ACVR2A: variants seen among roughly 807,000 people sequenced by gnomAD.
The protein encoded by ACVR2A is activin A receptor type 2A.
In ACVR2A, 7 loss-of-function variants were observed where a neutral mutation model predicts 61.4. The observed-to-expected ratio is 0.11, with a 90% CI of 0.06 to 0.21. The LOEUF is 0.21. Among genes scored for constraint, ACVR2A ranks in the 10% least tolerant of loss-of-function variants. The pLI is 1.00. For missense variants in ACVR2A, 322 were observed against 621.7 expected (o/e 0.52, Z 5.13); for synonymous variants, 193 against 208.3 (o/e 0.93, Z 0.63).
At chr2:147,894,210 C>T (rs1390445799) in intron 1 of ACVR2A, among the ~76,000 whole-genome samples, 1 of 152,058 alleles carries the variant, frequency 6.6e-6, no homozygotes, top group Non-Finnish European at 1.5e-5. Flanking sequence ...GTTCTCTGTT[C>T]TGTCCCATTG....
intron 4 of ACVR2A, among the ~76,000 whole-genome samples, chr2:147,907,086 T>C (rs936965790): frequency 1.3e-5 from 2 of 151,990 alleles, no homozygotes; most frequent in African/African-American, 4.8e-5. Context: ...TGAGAACATG[T>C]GGTGTTTGGG....
At chr2:147,915,373 T>C (rs765805411) in intron 5 of ACVR2A, 39 bp downstream of exon 5, 10 of 1,607,466 alleles carry the variant, frequency 6.2e-6, no homozygotes, top group Non-Finnish European at 8.5e-6. Context: ...CATACATGTT[T>C]TATGGCTAGG....
rs140499720 is a variant in ACVR2A, at chr2:147,887,643, A to G, written c.56-8658A>G. 1.4e-4 allele frequency among the ~76,000 whole-genome samples: 22 copies of G among 152,334 alleles called. No homozygotes were observed. In the East Asian group the frequency reaches 1.9e-3, roughly 13 times the overall value. On this transcript the variant is annotated intron_variant, in intron 1 of 10. Transcript: ENST00000241416. ...ATAATTGCATATATTTATTATCAACATGGTTTGAAATATGTATATGTTGTG... is the reference window on the plus strand; with the variant it reads ...ATAATTGCATATATTTATTATCAACGTGGTTTGAAATATGTATATGTTGTG...
chr2:147,867,112 C>T (rs1435570841), intron 1 of ACVR2A, among the ~76,000 whole-genome samples: 1 of 152,110 alleles, frequency 6.6e-6, no homozygotes, highest in Non-Finnish European at 1.5e-5. Flanking sequence ...TGAAAAGTCA[C>T]CACTAGATTT....
intron 1 of ACVR2A, among the ~76,000 whole-genome samples, chr2:147,856,565 GT>G (rs1045768652): frequency 3.9e-5 from 6 of 152,144 alleles, no homozygotes; most frequent in Non-Finnish European, 8.8e-5. Context: ...AGTGAATACA[GT>G]TTGCTAATTA....
At chr2:147,922,279 C>T (rs1311849600) in intron 8 of ACVR2A, among the ~76,000 whole-genome samples, 1 of 151,960 alleles carries the variant, frequency 6.6e-6, no homozygotes, top group Non-Finnish European at 1.5e-5. Flanking sequence ...AGATTATAGC[C>T]ACCTAAGGAT....
chr2:147,930,605 A>T lies in ACVR2A; in HGVS notation c.*3331A>T, dbSNP rs114710451. 1,366 of 152,486 alleles carry T rather than the reference A, an allele frequency of 9.0e-3. 16 individuals carry two copies. The highest frequency in any genetic ancestry group is 0.034 in the Middle Eastern group (10 of 294). The allele number at this position is 152,486 out of a possible 1,614,324, so 9.4% of individuals were successfully genotyped here. A position where few individuals can be genotyped will look rare whatever the true frequency, so the allele number is the denominator to read the frequency against. ...ATTTGTTACCTCTCAGAATATTGGT[A>T]AGCAGTTATTTTCGCTTTACTCTGT... On this transcript the variant is annotated 3_prime_UTR_variant, in exon 11 of 11. Transcript: ENST00000241416.
intron 1 of ACVR2A, among the ~76,000 whole-genome samples, 182 bp from the exon 2 acceptor site, chr2:147,896,119 A>G (rs1686726989): frequency 6.6e-6 from 1 of 152,212 alleles, no homozygotes; most frequent in South Asian, 2.1e-4. Context: ...GTTATTTCCT[A>G]TTATAATGGC....
Position 147,918,647 on chromosome 2 carries a change from T to G in ACVR2A, c.962+55T>G, listed in dbSNP as rs548610324. 6 of 1,462,788 alleles carry G rather than the reference T, an allele frequency of 4.1e-6. No homozygotes were observed. In the African/African-American group the frequency reaches 4.3e-5, roughly 11 times the overall value. The allele number at this position is 1,462,788 out of a possible 1,614,324, so 90.6% of individuals were successfully genotyped here. A position where few individuals can be genotyped will look rare whatever the true frequency, so the allele number is the denominator to read the frequency against. On this transcript the variant is annotated intron_variant, in intron 7 of 10. Coordinates refer to ENST00000241416, the MANE Select transcript of ACVR2A (RefSeq NM_001616.5). Reference sequence around the variant, plus strand: ...TAATTGAGTATATATTTACTAAACTTTTAAGCCCCTGGGTAAATTTTAATT... The same window carrying G: ...TAATTGAGTATATATTTACTAAACTGTTAAGCCCCTGGGTAAATTTTAATT...
chr2:147,890,836 G>GT (rs1213141887), intron 1 of ACVR2A, among the ~76,000 whole-genome samples: 39 of 151,832 alleles, frequency 2.6e-4, no homozygotes, highest in Admixed American at 2.5e-3. Context: ...ACTATATTGA[G>GT]TTTTTTTAGA....
At chr2:147,914,705 G>C (rs1409078963) in intron 4 of ACVR2A, among the ~76,000 whole-genome samples, 1 of 151,940 alleles carries the variant, frequency 6.6e-6, no homozygotes, top group Non-Finnish European at 1.5e-5. Context: ...ATGACTGCCG[G>C]TATCTCTGAG....
intron 10 of ACVR2A, 72 bp from the exon 11 acceptor site, chr2:147,927,008 G>A (rs1687520123): frequency 6.9e-7 from 1 of 1,451,776 alleles, no homozygotes; most frequent in East Asian, 2.4e-5. Flanking sequence ...ATTTCTTCAT[G>A]AAAATTTTAT....
intron 4 of ACVR2A, among the ~76,000 whole-genome samples, chr2:147,905,300 T>C (rs1033859422): frequency 2.0e-5 from 3 of 152,122 alleles, no homozygotes; most frequent in Admixed American, 1.3e-4. Context: ...TTGATATTTT[T>C]AATCTTTTGT....
intron 1 of ACVR2A, among the ~76,000 whole-genome samples, chr2:147,870,863 T>C (rs1246420337): frequency 1.3e-5 from 2 of 152,138 alleles, no homozygotes; most frequent in African/African-American, 2.4e-5. Context: ...TTTCCAAATA[T>C]AGCTAGAATC....
intron 1 of ACVR2A, among the ~76,000 whole-genome samples, chr2:147,856,388 A>G (rs1685574253): frequency 6.6e-6 from 1 of 152,204 alleles, no homozygotes; most frequent in Admixed American, 6.5e-5. Context: ...TTGGAAGCAG[A>G]TAAAGCTAAC....
At chr2:147,867,182 A>G (rs1467213303) in intron 1 of ACVR2A, among the ~76,000 whole-genome samples, 1 of 152,176 alleles carries the variant, frequency 6.6e-6, no homozygotes, top group East Asian at 1.9e-4. Flanking sequence ...TGGTGGAGAC[A>G]AAATCCATGT....
intron 4 of ACVR2A, among the ~76,000 whole-genome samples, chr2:147,913,268 T>G (rs1687162926): frequency 6.6e-6 from 1 of 151,924 alleles, no homozygotes; most frequent in South Asian, 2.1e-4. Flanking sequence ...AATGTGTAGA[T>G]TAACTATAGA....
chr2:147,848,474 C>T (rs1298389562), intron 1 of ACVR2A, among the ~76,000 whole-genome samples: 3 of 152,032 alleles, frequency 2.0e-5, no homozygotes, highest in African/African-American at 7.3e-5. Flanking sequence ...TGCTTCTAAT[C>T]GTCCTAAAAT....
intron 1 of ACVR2A, among the ~76,000 whole-genome samples, chr2:147,892,629 A>G (rs576463320): frequency 2.0e-5 from 3 of 151,886 alleles, no homozygotes; most frequent in Non-Finnish European, 2.9e-5. Context: ...TATGAAAAAT[A>G]TTTTCCAAAA....
Sources: allele counts gnomAD v4.1 joint callset (sites outside exome capture counted in the v4.1 genomes callset), GRCh38; gene constraint gnomAD v4.1.1; transcripts MANE v1.5; gene names NCBI Gene and HGNC (gene_info 2026-07-23, HGNC 2026-07-21).